Variants in THEM5 observed in about 807,000 individuals in gnomAD.
THEM5 encodes thioesterase superfamily member 5.
In THEM5, 28 loss-of-function variants were observed where a neutral mutation model predicts 24.2. The ratio of observed to expected loss-of-function variants is 1.16; its 90% CI spans 0.86 to 1.59. The LOEUF is 1.59. Among genes scored for constraint, THEM5 ranks in the 40% most tolerant of loss-of-function variants. The pLI is 0.00. For missense variants in THEM5, 260 were observed against 296.8 expected (o/e 0.88, Z 0.91); for synonymous variants, 87 against 114.5 (o/e 0.76, Z 1.53).
rs1572063199 is a variant in THEM5, at chr1:151,852,581, C to T, written c.124-122G>A. ...TTCTCAATCCCTTCTGCCAGAGTAT[C>T]GATCCAAGGGAAAGGGCCCATATTC... On this transcript the variant is annotated intron_variant, in intron 1 of 5. Coordinates refer to ENST00000368817, the MANE Select transcript of THEM5 (RefSeq NM_182578.4). 1.7e-5 allele frequency: 16 copies of T among 919,466 alleles called. No individual in the cohort carries two copies. In the East Asian group the frequency reaches 1.8e-4, roughly 10 times the overall value. The allele number at this position is 919,466 out of a possible 1,614,324, so 57.0% of individuals were successfully genotyped here.
At position 151,853,479 on chromosome 1, in the gene THEM5, G is replaced by T. The variant is rs1480664343; in HGVS notation, c.87C>A (p.Asn29Lys). ...LEAPRILPRL[N>K]PASAFGSSTD... ...TGGAGGATCCAAATGCTGAGGCAGG[G>T]TTGAGTCTGGGCAGGATACGGGGGG... is the stretch of plus-strand genomic sequence containing the variant. Residue 29 changes from asparagine to lysine, a missense_variant, in exon 1 of 6, where the codon AAC (asparagine) becomes AAA (lysine). Physicochemically the swap from Asn to Lys is moderately conservative, Grantham distance 94. Coordinates refer to ENST00000368817, the MANE Select transcript of THEM5 (RefSeq NM_182578.4). The T allele has an allele frequency of 6.2e-7, 1 of 1,613,966 alleles. No homozygotes were observed. The highest frequency in any genetic ancestry group is 8.5e-7 in the Non-Finnish European group (1 of 1,179,932).
In THEM5 at chr1:151,853,668, A is replaced by C. The variant is rs1653186457; in HGVS notation, c.-103T>G. On this transcript the variant is annotated 5_prime_UTR_variant, in exon 1 of 6. Coordinates refer to ENST00000368817, the MANE Select transcript of THEM5 (RefSeq NM_182578.4). ...GGGCCGCTTCTCTCCCTTCTGTTGCAGGCTTTCTTTCAGAGAGCTAGGCGA... is the reference window on the plus strand; with the variant it reads ...GGGCCGCTTCTCTCCCTTCTGTTGCCGGCTTTCTTTCAGAGAGCTAGGCGA... 1.4e-6 allele frequency: 2 copies of C among 1,437,292 alleles called. No individual in the cohort carries two copies. Among genetic ancestry groups the C allele is most frequent in the South Asian group, 3.0e-5 (2 of 67,298 alleles). 89.0% of individuals were successfully genotyped at this position (1,437,292 alleles called of 1,614,324 possible). A position where few individuals can be genotyped will look rare whatever the true frequency, so the allele number is the denominator to read the frequency against.
chr1:151,851,507 T>A (rs1653124909), intron 2 of THEM5, among the ~76,000 whole-genome samples: 1 of 151,844 alleles, frequency 6.6e-6, no homozygotes. Context: ...CACATATAAT[T>A]CAAAAGAATA....
rs746736927 is a variant in THEM5, at chr1:151,847,359, G to A, written c.*12C>T. 2.5e-6 allele frequency: 4 copies of A among 1,613,444 alleles called. No individual in the cohort carries two copies. The highest frequency in any genetic ancestry group is 1.7e-5 in the Admixed American group (1 of 59,938). ...AGGGGAGGCAGTGGCTCTCCTGCAG[G>A]CACAGTGACTGTTACTGGGGAGACT... On this transcript the variant is annotated 3_prime_UTR_variant, in exon 6 of 6. Coordinates refer to ENST00000368817, the MANE Select transcript of THEM5 (RefSeq NM_182578.4).
intron 3 of THEM5, 91 bp from the exon 4 acceptor site, chr1:151,848,383 C>T (rs921683097): frequency 2.0e-6 from 2 of 993,416 alleles, no homozygotes; most frequent in Non-Finnish European, 3.1e-6. Context: ...TGTGGTGATC[C>T]TACCTTTCCC....
At chr1:151,850,631 A>G (rs1653080584) in intron 3 of THEM5, among the ~76,000 whole-genome samples, 1 of 152,198 alleles carries the variant, frequency 6.6e-6, no homozygotes, top group Non-Finnish European at 1.5e-5. Flanking sequence ...ATCTCTGGTC[A>G]CCCTGGCAGG....
chr1:151,850,970 C>T, intron 3 of THEM5, 83 bp downstream of exon 3: 1 of 1,553,482 alleles, frequency 6.4e-7, no homozygotes, highest in Non-Finnish European at 8.7e-7. Flanking sequence ...AAGATAGAGA[C>T]TCCAGGGCCA....
intron 2 of THEM5, among the ~76,000 whole-genome samples, chr1:151,851,410 C>G (rs1653119513): frequency 6.6e-6 from 1 of 152,044 alleles, no homozygotes; most frequent in Non-Finnish European, 1.5e-5. Context: ...AGTGCCCTGG[C>G]TGAGAATGGA....
rs770480807 is a variant in THEM5, at chr1:151,847,276, AGGCAGG to A, written c.*89_*94del. ...GAGGCAGGCAGGGGAGGCAGGAGGC[AGGCAGG>A]GGAGGCAGGAGGCAGGAGGCAGGCA... On this transcript the variant is annotated 3_prime_UTR_variant, in exon 6 of 6. Transcript: ENST00000368817. 1.0e-4 allele frequency: 64 copies of A among 618,820 alleles called. No homozygotes were observed. In the Middle Eastern group the frequency reaches 2.0e-3, roughly 19 times the overall value. The allele number at this position is 618,820 out of a possible 1,614,324, so 38.3% of individuals were successfully genotyped here.
chr1:151,852,185 G>C, intron 2 of THEM5, 73 bp downstream of exon 2: 1 of 1,450,296 alleles, frequency 6.9e-7, no homozygotes, highest in Non-Finnish European at 9.7e-7. Flanking sequence ...AAGGCGGTCT[G>C]TGAAGTTGCT....
In THEM5 at chr1:151,853,604, T is replaced by A; in HGVS notation, c.-39A>T. 1 of 1,580,358 alleles carries A rather than the reference T, an allele frequency of 6.3e-7. No homozygotes were observed. Among genetic ancestry groups the A allele is most frequent in the South Asian group, 1.2e-5 (1 of 85,694 alleles). On this transcript the variant is annotated 5_prime_UTR_variant, in exon 1 of 6. Transcript: ENST00000368817. ...GATCCAGCCCTGCTTGGATGGAGGGTCTTGGCTGACTCCCAAGGAGTGCTT... is the reference window on the plus strand; with the variant it reads ...GATCCAGCCCTGCTTGGATGGAGGGACTTGGCTGACTCCCAAGGAGTGCTT...
At chr1:151,850,632 C>A (rs1054083049) in intron 3 of THEM5, among the ~76,000 whole-genome samples, 2 of 152,150 alleles carry the variant, frequency 1.3e-5, no homozygotes, top group Non-Finnish European at 2.9e-5. Flanking sequence ...TCTCTGGTCA[C>A]CCTGGCAGGT....
rs1047931879 is a variant in THEM5 at position 151,852,582 on chromosome 1, G to A, written c.124-123C>T. ...TCTCAATCCCTTCTGCCAGAGTATC[G>A]ATCCAAGGGAAAGGGCCCATATTCC... On this transcript the variant is annotated intron_variant, in intron 1 of 5. Transcript: ENST00000368817. 9 of 899,838 alleles carry A rather than the reference G, an allele frequency of 1.0e-5. No individual in the cohort carries two copies. In the East Asian group the frequency reaches 1.0e-4, roughly 10 times the overall value. The allele number at this position is 899,838 out of a possible 1,614,324, so 55.7% of individuals were successfully genotyped here.
intron 3 of THEM5, among the ~76,000 whole-genome samples, chr1:151,850,033 A>C (rs1653065561): frequency 6.6e-6 from 1 of 152,238 alleles, no homozygotes; most frequent in Non-Finnish European, 1.5e-5. Context: ...GTATCTGCAC[A>C]GCCTAGTGTG....
At position 151,851,139 on chromosome 1, in the gene THEM5, G is replaced by T; in HGVS notation, c.378C>A (p.Gly126=). ...FTRCIQVEGQ[G]FEYVIFFQPT... ...GCTGGAAAAAGATGACATACTCAAA[G>T]CCTTGTCCTTCCACTTGGATGCACC... Residue 126 remains glycine, a synonymous_variant, in exon 3 of 6, where the codon GGC becomes GGA. Coordinates refer to ENST00000368817, the MANE Select transcript of THEM5 (RefSeq NM_182578.4). The T allele has an allele frequency of 6.2e-7, 1 of 1,614,192 alleles. No individual in the cohort carries two copies. Among genetic ancestry groups the T allele is most frequent in the Non-Finnish European group, 8.5e-7 (1 of 1,180,042 alleles).
chr1:151,852,860 C>T (rs900499046), intron 1 of THEM5, among the ~76,000 whole-genome samples: 7 of 151,774 alleles, frequency 4.6e-5, no homozygotes, highest in Admixed American at 1.3e-4. Context: ...AGCTGGTGGT[C>T]GCACTAGATG....
Position 151,847,825 on chromosome 1 carries a change from C to G in THEM5, c.613G>C (p.Glu205Gln). 1 of 1,614,088 alleles carries G rather than the reference C, an allele frequency of 6.2e-7. No homozygotes were observed. Among genetic ancestry groups the G allele is most frequent in the Non-Finnish European group, 8.5e-7 (1 of 1,180,010 alleles). ...PVDSLVVMDVELDKIEDQKLY... is the reference protein window; with the variant it reads ...PVDSLVVMDVQLDKIEDQKLY... ...TTCTGGTCCTCAATCTTGTCCAGTT[C>G]TACGTCCATTACAACCAGAGAGTCC... The change falls in exon 5 of 6, where the codon GAA becomes CAA. Residue 205 changes from glutamate to glutamine, a missense_variant. Glu to Gln is a conservative substitution (Grantham distance 29). Coordinates refer to ENST00000368817, the MANE Select transcript of THEM5 (RefSeq NM_182578.4).
At chr1:151,852,137 GTGGAGT>G (rs1184792657) in intron 2 of THEM5, 115 bp downstream of exon 2, 24 of 948,862 alleles carry the variant, frequency 2.5e-5, no homozygotes, top group Non-Finnish European at 4.0e-5. Flanking sequence ...AGCATCAGGG[GTGGAGT>G]TGGACAGCAG....
In THEM5 at chr1:151,853,691, C is replaced by A. The variant is rs537399349; in HGVS notation, c.-126G>T. On this transcript the variant is annotated 5_prime_UTR_variant, in exon 1 of 6. Transcript: ENST00000368817. Reference sequence around the variant, plus strand: ...GCAGGCTTTCTTTCAGAGAGCTAGGCGAGGCTGGGCTGGTGTGCTGCAACA... The same window carrying A: ...GCAGGCTTTCTTTCAGAGAGCTAGGAGAGGCTGGGCTGGTGTGCTGCAACA... The A allele has an allele frequency of 1.1e-5, 14 of 1,322,356 alleles. 1 individual carries two copies. In the South Asian group the frequency reaches 1.9e-4, roughly 18 times the overall value. 81.9% of individuals were successfully genotyped at this position (1,322,356 alleles called of 1,614,324 possible).
Sources: gnomAD v4.1 joint callset for allele counts (sites outside exome capture counted in the v4.1 genomes callset) on GRCh38, gnomAD v4.1.1 for gene constraint, MANE v1.5 for transcripts, NCBI Gene and HGNC (gene_info 2026-07-23, HGNC 2026-07-21) for gene names.